Variants in EGF observed in about 807,000 individuals in gnomAD.
The protein encoded by EGF is pro-epidermal growth factor.
In EGF, 95 loss-of-function variants were observed where a neutral mutation model predicts 143.8. That is an observed-to-expected ratio of 0.66 (90% CI 0.56 to 0.78). The LOEUF (loss-of-function observed/expected upper bound fraction) is 0.78, where lower values mean the gene tolerates loss of function less well. Ranked by LOEUF, EGF falls within the 30% of genes least tolerant of loss-of-function variation. EGF has a pLI of 0.00. For synonymous variants in EGF, 510 were observed against 510.5 expected (o/e 1.00, Z 0.01); for missense variants, 1,320 against 1,470.9 (o/e 0.90, Z 1.68).
intron 1 of EGF, among the ~76,000 whole-genome samples, chr4:109,928,511 T>C (rs1045620893): frequency 2.6e-5 from 4 of 152,128 alleles, no homozygotes; most frequent in African/African-American, 9.7e-5. Context: ...AGAGCTCTTA[T>C]AAGATCTAAA....
rs746416789 is a variant in EGF, at chr4:110,004,667, A to C, written c.3291+45A>C. 3.9e-6 allele frequency: 6 copies of C among 1,538,196 alleles called. No homozygotes were observed. The South Asian group carries it at 6.7e-5, about 17-fold the overall frequency. ...TGAAGCAAGGAATTGGCTTGATATT[A>C]ACCCCTATTCATTTTTTCTATTTTT... On this transcript the variant is annotated intron_variant, in intron 22 of 23. Transcript: ENST00000265171.
chr4:109,964,598 T>C (rs1746245205), intron 10 of EGF, 61 bp downstream of exon 10: 3 of 1,609,056 alleles, frequency 1.9e-6, no homozygotes, highest in Non-Finnish European at 2.5e-6. Flanking sequence ...GAGGATTTTA[T>C]CCTAACAAAT....
Position 109,959,341 on chromosome 4 carries a change from A to T in EGF, c.970A>T (p.Asn324Tyr). 6.2e-7 allele frequency: 1 copy of T among 1,614,066 alleles called. No homozygotes were observed. Among genetic ancestry groups the T allele is most frequent in the Non-Finnish European group, 8.5e-7 (1 of 1,179,938 alleles). The part of the protein sequence containing the change: ...EQKLCKLRKG[N>Y]CSSTVCGQDL... ...GAAACTTTGCAAATTGAGGAAAGGA[A>T]ACTGCAGCAGCACTGTGTGTGGGCA... Residue 324 changes from asparagine (N) to tyrosine (Y), a missense_variant, in exon 6 of 24, where the codon AAC (asparagine) becomes TAC (tyrosine). By Grantham distance (143) the Asn-to-Tyr change is moderately radical. This residue lies in a region of EGF where 1,186 missense variants were observed against 1,313.7 expected (regional missense o/e 0.90). Coordinates refer to ENST00000265171, the MANE Select transcript of EGF (RefSeq NM_001963.6).
intron 6 of EGF, 129 bp downstream of exon 6, chr4:109,959,566 T>C (rs991095257): frequency 7.1e-7 from 1 of 1,412,942 alleles, no homozygotes; most frequent in African/African-American, 1.4e-5. Flanking sequence ...TTCAAGTCCA[T>C]TCTCCCCGTC....
chr4:109,951,992 C>G (rs1744012707), intron 5 of EGF, among the ~76,000 whole-genome samples: 2 of 151,860 alleles, frequency 1.3e-5, no homozygotes, highest in African/African-American at 4.8e-5. Context: ...AACTTAAAAT[C>G]TTTCTCTTTC....
rs371512157 is a variant in EGF at position 109,970,824 on chromosome 4, C to CAAAAAAAAAAAAAAAA, written c.1724+1712_1724+1727dup. Among the ~76,000 whole-genome samples the CAAAAAAAAAAAAAAAA allele has an allele frequency of 1.0e-3, 76 of 72,946 alleles. 3 individuals are homozygous for CAAAAAAAAAAAAAAAA. Among genetic ancestry groups the CAAAAAAAAAAAAAAAA allele is most frequent in the African/African-American group, 3.8e-3 (69 of 18,184 alleles). 47.9% of individuals were successfully genotyped at this position (72,946 alleles called of 152,430 possible). ...TGGGTGGCAGAGCGAGACTCCGTCT[C>CAAAAAAAAAAAAAAAA]AAAAAAAAAAAAAAAAAAAAAATCT... On this transcript the variant is annotated intron_variant, in intron 11 of 23. Coordinates refer to ENST00000265171, the MANE Select transcript of EGF (RefSeq NM_001963.6).
At chr4:109,934,496 T>C (rs1428845511) in intron 1 of EGF, among the ~76,000 whole-genome samples, 1 of 152,220 alleles carries the variant, frequency 6.6e-6, no homozygotes, top group Non-Finnish European at 1.5e-5. Flanking sequence ...AAATATTTTC[T>C]CCCATTCTGT....
At chr4:109,934,605 C>T (rs1221571124) in intron 1 of EGF, among the ~76,000 whole-genome samples, 1 of 152,128 alleles carries the variant, frequency 6.6e-6, no homozygotes, top group East Asian at 1.9e-4. Flanking sequence ...GTTGCCATTG[C>T]TTTTGGTATT....
At chr4:110,007,830 A>G (rs1164838642) in intron 22 of EGF, among the ~76,000 whole-genome samples, 1 of 152,218 alleles carries the variant, frequency 6.6e-6, no homozygotes, top group South Asian at 2.1e-4. Flanking sequence ...AGTTCTTAGA[A>G]TACTTATGGA....
chr4:109,976,148 T>A lies in EGF; in HGVS notation c.1966T>A (p.Leu656Met), dbSNP rs188713225. ...AACGATTGACTTCTTAACTGACAAGTTGTACTGGTGCGATGCCAAGCAGTC... is the reference window on the plus strand; with the variant it reads ...AACGATTGACTTCTTAACTGACAAGATGTACTGGTGCGATGCCAAGCAGTC... ...GITIDFLTDKLYWCDAKQSVI... is the reference protein window; with the variant it reads ...GITIDFLTDKMYWCDAKQSVI... Residue 656 changes from leucine to methionine, a missense_variant, in exon 13 of 24, where the codon TTG (leucine) becomes ATG (methionine). By Grantham distance (15) the Leu-to-Met change is conservative. Coordinates refer to ENST00000265171, the MANE Select transcript of EGF (RefSeq NM_001963.6). The A allele has an allele frequency of 6.2e-6, 10 of 1,614,130 alleles. No homozygotes were observed. The African/African-American group carries it at 9.3e-5, about 15-fold the overall frequency.
intron 15 of EGF, among the ~76,000 whole-genome samples, chr4:109,981,776 C>G (rs1475300857): frequency 6.6e-6 from 1 of 152,102 alleles, no homozygotes; most frequent in Non-Finnish European, 1.5e-5. Flanking sequence ...TGTTTTTCCT[C>G]TAGCTAACCA....
At position 109,980,931 on chromosome 4, in the gene EGF, A is replaced by T. The variant is rs767731807; in HGVS notation, c.2327A>T (p.Asp776Val). The stretch of plus-strand genomic sequence containing the variant: ...CGTGAAGGTTTTATGAAAGCCTCAG[A>T]TGGGAAAACGTGTCTGGCTCTGGAT... ...SCREGFMKAS[D>V]GKTCLALDGH... The change falls in exon 15 of 24, where the codon GAT (aspartate) becomes GTT (valine). Residue 776 changes from aspartate (D) to valine (V), a missense_variant. Asp to Val is a radical substitution (Grantham distance 152, BLOSUM62 -3). This residue lies in a region of EGF where 1,186 missense variants were observed against 1,313.7 expected (regional missense o/e 0.90). Coordinates refer to ENST00000265171, the MANE Select transcript of EGF (RefSeq NM_001963.6). The T allele has an allele frequency of 6.2e-7, 1 of 1,614,016 alleles. No individual in the cohort carries two copies. The highest frequency in any genetic ancestry group is 1.3e-5 in the African/African-American group (1 of 74,924).
chr4:109,936,842 G>T (rs1193585099), intron 1 of EGF, among the ~76,000 whole-genome samples: 1 of 152,216 alleles, frequency 6.6e-6, no homozygotes, highest in Non-Finnish European at 1.5e-5. Context: ...CCATGTAGTT[G>T]TGGGGTTTTG....
chr4:109,989,734 G>A (rs1294344839), intron 18 of EGF, among the ~76,000 whole-genome samples: 2 of 152,194 alleles, frequency 1.3e-5, no homozygotes, highest in Admixed American at 6.5e-5. Context: ...TGAAGAGAAA[G>A]GAAGGTATCT....
rs201101453 is a variant in EGF, at chr4:109,963,264, C to T, written c.1404C>T (p.Asp468=). 1.6e-4 allele frequency: 256 copies of T among 1,613,918 alleles called. No individual in the cohort carries two copies. Among genetic ancestry groups the T allele is most frequent in the Non-Finnish European group, 1.9e-4 (226 of 1,179,940 alleles). ...SWECDCFPGY[D]LQLDEKSCAA... ...AATGTGATTGCTTTCCTGGGTATGA[C>T]CTACAACTGGATGAAAAAAGCTGTG... The change falls in exon 9 of 24, where the codon GAC becomes GAT. Residue 468 remains aspartate, a synonymous_variant. Coordinates refer to ENST00000265171, the MANE Select transcript of EGF (RefSeq NM_001963.6).
At chr4:109,955,775 G>T (rs1232663494) in intron 5 of EGF, among the ~76,000 whole-genome samples, 1 of 152,290 alleles carries the variant, frequency 6.6e-6, no homozygotes, top group East Asian at 1.9e-4. Flanking sequence ...TTTACTGGAT[G>T]CCTATGTTGT....
At chr4:109,938,324 A>G (rs1383481246) in intron 1 of EGF, among the ~76,000 whole-genome samples, 1 of 152,152 alleles carries the variant, frequency 6.6e-6, no homozygotes, top group African/African-American at 2.4e-5. Flanking sequence ...AAGCTTGTGC[A>G]TGTGTCACGA....
intron 17 of EGF, among the ~76,000 whole-genome samples, chr4:109,988,325 T>TC: frequency 6.6e-6 from 1 of 152,106 alleles, no homozygotes; most frequent in Non-Finnish European, 1.5e-5. Context: ...AAGATCTCAG[T>TC]CCTTATGGTC....
At chr4:109,916,476 T>C (rs1736676418) in intron 1 of EGF, among the ~76,000 whole-genome samples, 1 of 152,154 alleles carries the variant, frequency 6.6e-6, no homozygotes, top group African/African-American at 2.4e-5. Flanking sequence ...ATGAAGATAA[T>C]TGTACCCTCT....
Sources: gnomAD v4.1 joint callset for allele counts (sites outside exome capture counted in the v4.1 genomes callset) on GRCh38, gnomAD v4.1.1 for gene constraint, gnomAD v4.1.1 regional missense constraint, MANE v1.5 for transcripts, NCBI Gene and HGNC (gene_info 2026-07-23, HGNC 2026-07-21) for gene names.